TRAM2: variants seen among roughly 807,000 people sequenced by gnomAD.
TRAM2 encodes the protein translocating chain-associated membrane protein 2.
Under a neutral mutation model 51.0 loss-of-function variants are expected in TRAM2, and 12 were observed. The ratio of observed to expected loss-of-function variants is 0.24; its 90% CI spans 0.15 to 0.38. The LOEUF (loss-of-function observed/expected upper bound fraction) is 0.38, where lower values mean the gene tolerates loss of function less well. Among genes scored for constraint, TRAM2 ranks in the 10% least tolerant of loss-of-function variants. The pLI, the probability that TRAM2 is intolerant of heterozygous loss-of-function variation, is 1.00. For missense variants in TRAM2, 361 were observed against 462.0 expected (o/e 0.78, Z 2.00); for synonymous variants, 175 against 179.4 (o/e 0.98, Z 0.20).
At chr6:52,539,982 G>A (rs772994488) in intron 1 of TRAM2, among the ~76,000 whole-genome samples, 2 of 151,868 alleles carry the variant, frequency 1.3e-5, no homozygotes, top group Non-Finnish European at 2.9e-5. Flanking sequence ...ATGATTCTGA[G>A]AGAACAGGAT....
rs1470112940 is a variant in TRAM2, at chr6:52,514,018, C to T, written c.411+1988G>A. Among the ~76,000 whole-genome samples the T allele has an allele frequency of 2.0e-5, 3 of 152,140 alleles. 1 individual carries two copies. Among genetic ancestry groups the T allele is most frequent in the Admixed American group, 2.0e-4 (3 of 15,276 alleles). On this transcript the variant is annotated intron_variant, in intron 4 of 10. Transcript: ENST00000182527. The stretch of plus-strand genomic sequence containing the variant: ...CTGTCCTGTGCATTAAACGCCATAT[C>T]GTAGCATCCCTGGCCTCCACCCACT...
chr6:52,566,526 C>A lies in TRAM2; in HGVS notation c.120+10270G>T, dbSNP rs149939667. Among the ~76,000 whole-genome samples the A allele has an allele frequency of 1.6e-3, 240 of 152,240 alleles. 1 individual carries two copies. Among genetic ancestry groups the A allele is most frequent in the African/African-American group, 5.6e-3 (234 of 41,536 alleles). The stretch of plus-strand genomic sequence containing the variant: ...ACCACTCTAGTAGTCTCCAGAGCAA[C>A]CTCATCACACTGCTGTCTTTCCTAA... On this transcript the variant is annotated intron_variant, in intron 1 of 10. Transcript: ENST00000182527.
At chr6:52,561,410 G>T (rs916834918) in intron 1 of TRAM2, among the ~76,000 whole-genome samples, 1 of 151,944 alleles carries the variant, frequency 6.6e-6, no homozygotes, top group African/African-American at 2.4e-5. Flanking sequence ...AGCCTCCCAA[G>T]TAGCTGGTAC....
chr6:52,572,590 G>A (rs1333557028), intron 1 of TRAM2, among the ~76,000 whole-genome samples: 2 of 152,190 alleles, frequency 1.3e-5, no homozygotes, highest in Non-Finnish European at 2.9e-5. Context: ...GTGACAGAGC[G>A]AGACTCCTTC....
At chr6:52,503,991 C>T (rs973651729) in intron 10 of TRAM2, among the ~76,000 whole-genome samples, 15 of 152,166 alleles carry the variant, frequency 9.9e-5, no homozygotes, top group African/African-American at 3.4e-4. Flanking sequence ...CAGAAAGCAG[C>T]GCCCAGTGCA....
At chr6:52,567,326 T>C (rs1767606063) in intron 1 of TRAM2, among the ~76,000 whole-genome samples, 1 of 152,266 alleles carries the variant, frequency 6.6e-6, no homozygotes, top group Admixed American at 6.5e-5. Flanking sequence ...TCACATTCTC[T>C]TCTTTCTGAA....
intron 1 of TRAM2, among the ~76,000 whole-genome samples, chr6:52,554,535 A>G (rs9474244): frequency 0.17 from 24,964 of 146,244 alleles, 3,161 homozygotes; most frequent in Admixed American, 0.31. Flanking sequence ...AAAAAAAAAA[A>G]AAAGAAAGAA....
At chr6:52,529,093 G>A (rs1293718351) in intron 2 of TRAM2, among the ~76,000 whole-genome samples, 1 of 151,940 alleles carries the variant, frequency 6.6e-6, no homozygotes, top group Non-Finnish European at 1.5e-5. Flanking sequence ...GGGTTTCACC[G>A]TGTTAGCCAG....
At chr6:52,533,059 G>C (rs1258431012) in intron 2 of TRAM2, among the ~76,000 whole-genome samples, 3 of 139,164 alleles carry the variant, frequency 2.2e-5, no homozygotes, top group Middle Eastern at 3.6e-3. Context: ...AATTCACAGA[G>C]ACAGAAAATG....
chr6:52,520,035 G>T (rs1289626764), intron 2 of TRAM2, among the ~76,000 whole-genome samples: 1 of 152,182 alleles, frequency 6.6e-6, no homozygotes, highest in Non-Finnish European at 1.5e-5. Context: ...TACGGGGTTT[G>T]TTTTGCAAGA....
intron 1 of TRAM2, among the ~76,000 whole-genome samples, chr6:52,568,550 G>A (rs1368258906): frequency 1.3e-5 from 2 of 152,208 alleles, no homozygotes; most frequent in African/African-American, 2.4e-5. Flanking sequence ...AATTGCTGGA[G>A]GGAAAGCCTG....
chr6:52,530,739 G>A (rs1173342856), intron 2 of TRAM2, among the ~76,000 whole-genome samples: 1 of 152,106 alleles, frequency 6.6e-6, no homozygotes, highest in East Asian at 1.9e-4. Flanking sequence ...TGCTGGCCCC[G>A]TGGTCTCGGG....
At chr6:52,575,426 GGACT>G (rs1767747168) in intron 1 of TRAM2, among the ~76,000 whole-genome samples, 1 of 151,968 alleles carries the variant, frequency 6.6e-6, no homozygotes, top group African/African-American at 2.4e-5. Context: ...AAGGAGAGAG[GGACT>G]GAACTAAAGG....
intron 1 of TRAM2, among the ~76,000 whole-genome samples, chr6:52,542,035 A>T (rs1767092629): frequency 6.6e-6 from 1 of 152,096 alleles, no homozygotes; most frequent in Non-Finnish European, 1.5e-5. Context: ...TTCCTGAGAA[A>T]CACAGGGTAA....
chr6:52,552,372 C>G (rs1217478673), intron 1 of TRAM2, among the ~76,000 whole-genome samples: 2 of 152,240 alleles, frequency 1.3e-5, no homozygotes, highest in African/African-American at 4.8e-5. Context: ...CTAGGAAGGC[C>G]ACCTGCAGCT....
At chr6:52,537,195 T>C (rs1156332731) in intron 1 of TRAM2, among the ~76,000 whole-genome samples, 2 of 152,198 alleles carry the variant, frequency 1.3e-5, no homozygotes, top group Admixed American at 6.5e-5. Flanking sequence ...GCCTTAGACA[T>C]GTCCTATCAG....
At chr6:52,518,186 G>A (rs965023249) in intron 2 of TRAM2, among the ~76,000 whole-genome samples, 3 of 152,178 alleles carry the variant, frequency 2.0e-5, no homozygotes, top group Admixed American at 6.5e-5. Flanking sequence ...CTAGGGTGGA[G>A]GTTGTGGGTA....
intron 5 of TRAM2, among the ~76,000 whole-genome samples, chr6:52,508,658 A>T (rs7748569): frequency 0.097 from 14,716 of 152,318 alleles, 1,172 homozygotes; most frequent in Admixed American, 0.25. Flanking sequence ...CAACAGATAC[A>T]CTGAGACAAC....
intron 1 of TRAM2, among the ~76,000 whole-genome samples, chr6:52,571,268 G>T (rs532892404): frequency 1.3e-5 from 2 of 152,200 alleles, no homozygotes; most frequent in Non-Finnish European, 2.9e-5. Flanking sequence ...ATTTATAAGG[G>T]TAGGAATGAG....
Sources: allele counts gnomAD v4.1 joint callset (sites outside exome capture counted in the v4.1 genomes callset), GRCh38; gene constraint gnomAD v4.1.1; transcripts MANE v1.5; gene names NCBI Gene and HGNC (gene_info 2026-07-23, HGNC 2026-07-21).